RFTN1: variants seen among roughly 807,000 people sequenced by gnomAD.
The protein encoded by RFTN1 is raftlin, lipid raft linker 1.
A neutral mutation model predicts 46.5 loss-of-function variants in RFTN1; 26 were observed. That is an observed-to-expected ratio of 0.56 (90% CI 0.41 to 0.78). RFTN1 has a LOEUF of 0.78. RFTN1 is among the 30% of genes least tolerant of loss of function. The pLI is 0.00. For missense variants in RFTN1, 693 were observed against 718.7 expected (o/e 0.96, Z 0.41); for synonymous variants, 261 against 284.2 (o/e 0.92, Z 0.82).
intron 6 of RFTN1, among the ~76,000 whole-genome samples, chr3:16,359,222 G>A (rs2125336043): frequency 6.6e-6 from 1 of 152,228 alleles, no homozygotes; most frequent in East Asian, 1.9e-4. Context: ...TATCATGAAA[G>A]GTGATGTGAC....
rs1168488142 is a variant in RFTN1 at position 16,465,985 on chromosome 3, G to A, written c.145+27740C>T. Among the ~76,000 whole-genome samples the A allele has an allele frequency of 6.6e-6, 1 of 152,188 alleles. No individual in the cohort carries two copies. Among genetic ancestry groups the A allele is most frequent in the Non-Finnish European group, 1.5e-5 (1 of 68,030 alleles). ...CTCTCAGCGCTTAGATTTCTCCAGA[G>A]GCAGAAAGGCAGAAGCAGAACTTAG... On this transcript the variant is annotated intron_variant, in intron 2 of 9. Transcript: ENST00000334133. This position sits in a 1 kb window ranked among gnomAD's most constrained non-coding sequence, Gnocchi z 5.1.
chr3:16,439,511 C>T (rs1329851763), intron 2 of RFTN1, among the ~76,000 whole-genome samples: 1 of 152,194 alleles, frequency 6.6e-6, no homozygotes, highest in Non-Finnish European at 1.5e-5. Flanking sequence ...AAGGCGCTTT[C>T]AACTTTAAAA....
chr3:16,484,898 C>G lies in RFTN1; in HGVS notation c.145+8827G>C, dbSNP rs1008333839. The G allele has an allele frequency of 2.0e-5, 3 of 152,236 alleles. No homozygotes were observed. In the East Asian group the frequency reaches 5.8e-4, roughly 29 times the overall value. The allele number at this position is 152,236 out of a possible 1,614,324, so 9.4% of individuals were successfully genotyped here. ...ACCGTGGGGGTGACTCCACCTACCTCATAAGATTGTTGTTAGTTTGTTTAG... is the reference window on the plus strand; with the variant it reads ...ACCGTGGGGGTGACTCCACCTACCTGATAAGATTGTTGTTAGTTTGTTTAG... On this transcript the variant is annotated intron_variant, in intron 2 of 9. Transcript: ENST00000334133. The surrounding 1 kb of genome is among the most constrained non-coding windows in gnomAD (Gnocchi z 4.6).
chr3:16,386,490 G>A (rs927414339), intron 4 of RFTN1, among the ~76,000 whole-genome samples: 1 of 152,228 alleles, frequency 6.6e-6, no homozygotes, highest in Non-Finnish European at 1.5e-5. Flanking sequence ...AACTAGTAAA[G>A]GGCAAGTAGG....
At chr3:16,350,952 A>G (rs933137520) in intron 7 of RFTN1, among the ~76,000 whole-genome samples, 17 of 152,326 alleles carry the variant, frequency 1.1e-4, no homozygotes, top group Non-Finnish European at 2.4e-4. Flanking sequence ...CTCCCTGGCA[A>G]ATCCTAGAGT....
At chr3:16,332,585 C>G (rs532831868) in intron 7 of RFTN1, among the ~76,000 whole-genome samples, 1 of 152,232 alleles carries the variant, frequency 6.6e-6, no homozygotes, top group Admixed American at 6.5e-5. Context: ...AAACCAGTAC[C>G]CTGGTTTTCT....
chr3:16,432,280 G>C (rs1575281146), intron 3 of RFTN1, among the ~76,000 whole-genome samples: 1 of 152,138 alleles, frequency 6.6e-6, no homozygotes, highest in Non-Finnish European at 1.5e-5. Context: ...CACTTTGAGA[G>C]GCCTATGTGG....
In RFTN1 at chr3:16,400,697, C is replaced by T. The variant is rs1189916322; in HGVS notation, c.441+8678G>A. On this transcript the variant is annotated intron_variant, in intron 4 of 9. Transcript: ENST00000334133. This position sits in a 1 kb window ranked among gnomAD's most constrained non-coding sequence, Gnocchi z 4.5. ...AGACAAGCGTATGACCCCTTCCCTC[C>T]CTCCGGCTTAAATTAACTTCAGCGA... is the stretch of plus-strand genomic sequence containing the variant. Among the ~76,000 whole-genome samples the T allele has an allele frequency of 6.6e-6, 1 of 152,168 alleles. No homozygotes were observed. Among genetic ancestry groups the T allele is most frequent in the Non-Finnish European group, 1.5e-5 (1 of 68,034 alleles).
chr3:16,326,213 T>G (rs1421890043), intron 8 of RFTN1, among the ~76,000 whole-genome samples: 1 of 152,196 alleles, frequency 6.6e-6, no homozygotes, highest in South Asian at 2.1e-4. Flanking sequence ...AGTGGACAAA[T>G]GAGCATGAAC....
chr3:16,330,194 T>C (rs920376171), intron 7 of RFTN1, among the ~76,000 whole-genome samples: 7 of 152,300 alleles, frequency 4.6e-5, no homozygotes, highest in Middle Eastern at 3.4e-3. Flanking sequence ...TTTCTGGCCA[T>C]CACATGGTGA....
Position 16,360,114 on chromosome 3 carries a change from CAATT to C in RFTN1, c.1031-2071_1031-2068del, listed in dbSNP as rs200850390. On this transcript the variant is annotated intron_variant, in intron 6 of 9. Transcript: ENST00000334133. ...ACCATTAGAAACAAAGGACATAAAG[CAATT>C]AATTAATTCTCTTTATCTTTCCATG... is the stretch of plus-strand genomic sequence containing the variant. Among the ~76,000 whole-genome samples the C allele has an allele frequency of 6.9e-3, 1,046 of 151,600 alleles. 17 individuals are homozygous for C. The highest frequency in any genetic ancestry group is 0.024 in the African/African-American group (978 of 41,348).
intron 7 of RFTN1, chr3:16,339,632 C>T (rs535141921): frequency 1.3e-5 from 2 of 152,224 alleles, no homozygotes; most frequent in Non-Finnish European, 2.9e-5. Context: ...AAAATGGTCT[C>T]AGAGAGACTG....
intron 2 of RFTN1, among the ~76,000 whole-genome samples, chr3:16,445,598 T>A (rs538921342): frequency 6.6e-6 from 1 of 151,962 alleles, no homozygotes; most frequent in Non-Finnish European, 1.5e-5. Context: ...TCTGAATGAA[T>A]GTGGTATAAG....
intron 2 of RFTN1, among the ~76,000 whole-genome samples, chr3:16,470,599 T>C (rs2076178162): frequency 6.6e-6 from 1 of 152,148 alleles, no homozygotes; most frequent in Non-Finnish European, 1.5e-5. Context: ...TCTGGCAGAC[T>C]CCTGAACCAT....
rs2076418725 is a variant in RFTN1, at chr3:16,484,602, A to T, written c.145+9123T>A. The T allele has an allele frequency of 6.6e-6, 1 of 152,246 alleles. No homozygotes were observed. The highest frequency in any genetic ancestry group is 2.1e-4 in the South Asian group (1 of 4,832). The allele number at this position is 152,246 out of a possible 1,614,324, so 9.4% of individuals were successfully genotyped here. On this transcript the variant is annotated intron_variant, in intron 2 of 9. Transcript: ENST00000334133. This position sits in a 1 kb window ranked among gnomAD's most constrained non-coding sequence, Gnocchi z 4.6. ...ATGCGTGTCATGGGAATGTCTTATAAGGAGGAACTTAAGAATAGAAATAGA... is the reference window on the plus strand; with the variant it reads ...ATGCGTGTCATGGGAATGTCTTATATGGAGGAACTTAAGAATAGAAATAGA...
At chr3:16,437,042 A>C (rs905373916) in intron 2 of RFTN1, among the ~76,000 whole-genome samples, 1 of 152,224 alleles carries the variant, frequency 6.6e-6, no homozygotes, top group Non-Finnish European at 1.5e-5. Flanking sequence ...GTTCCCATGC[A>C]AGAAACTGGC....
rs1027604931 is a variant in RFTN1 at position 16,483,978 on chromosome 3, C to T, written c.145+9747G>A. Among the ~76,000 whole-genome samples the T allele has an allele frequency of 3.9e-5, 6 of 152,288 alleles. No individual in the cohort carries two copies. The highest frequency in any genetic ancestry group is 2.0e-4 in the Admixed American group (3 of 15,290). On this transcript the variant is annotated intron_variant, in intron 2 of 9. Transcript: ENST00000334133. The surrounding 1 kb of genome is among the most constrained non-coding windows in gnomAD (Gnocchi z 4.8). ...GATTCACTCTCAAGGTTGGGAACCACTCCTTTAAGCTAATGATTAGTTTTA... is the reference window on the plus strand; with the variant it reads ...GATTCACTCTCAAGGTTGGGAACCATTCCTTTAAGCTAATGATTAGTTTTA...
At chr3:16,332,510 G>A (rs145278180) in intron 7 of RFTN1, among the ~76,000 whole-genome samples, 86 of 151,042 alleles carry the variant, frequency 5.7e-4, no homozygotes, top group African/African-American at 1.8e-3. Context: ...TTATCTCCAC[G>A]GTTCCCAGGT....
Position 16,384,210 on chromosome 3 carries a change from C to T in RFTN1, c.442-6108G>A, listed in dbSNP as rs375343454. On this transcript the variant is annotated intron_variant, in intron 4 of 9. Coordinates refer to ENST00000334133, the MANE Select transcript of RFTN1 (RefSeq NM_015150.2). The surrounding 1 kb of genome is among the most constrained non-coding windows in gnomAD (Gnocchi z 4.7). ...CAACACCAGTCCTTACCTGAATGTC[C>T]AGTCTGCTGGACTGCCCTGCAGATG... 1.5e-4 allele frequency among the ~76,000 whole-genome samples: 23 copies of T among 152,322 alleles called. No homozygotes were observed. The highest frequency in any genetic ancestry group is 5.5e-4 in the African/African-American group (23 of 41,572).
Sources: gnomAD v4.1 joint callset for allele counts (sites outside exome capture counted in the v4.1 genomes callset) on GRCh38, gnomAD v4.1.1 for gene constraint, Gnocchi (gnomAD v3.1) non-coding constraint, MANE v1.5 for transcripts, NCBI Gene and HGNC (gene_info 2026-07-23, HGNC 2026-07-21) for gene names.